The following ZNF462 variants were observed in gnomAD, a reference collection of about 807,000 sequenced individuals.
ZNF462 encodes the protein zinc finger PBX1-interacting protein.
ZNF462 carries 10 observed loss-of-function variants against 201.9 expected under a neutral mutation model. That is an observed-to-expected ratio of 0.05 (90% confidence interval 0.03 to 0.08). The LOEUF (loss-of-function observed/expected upper bound fraction) is 0.08, where lower values mean the gene tolerates loss of function less well. Ranked by LOEUF, ZNF462 falls within the 10% of genes least tolerant of loss-of-function variation. The pLI, the probability that ZNF462 is intolerant of heterozygous loss-of-function variation, is 1.00. For missense variants in ZNF462, 2,523 were observed against 3,168.3 expected, an observed-to-expected ratio of 0.80 and a Z score of 4.89; for synonymous variants, 1,227 against 1,193.3, an observed-to-expected ratio of 1.03 and a Z score of -0.58.
chr9:106,969,031 G>T (rs994153830), intron 7 of ZNF462, among the ~76,000 whole-genome samples: 1 of 152,122 alleles, frequency 6.6e-6, no homozygotes, highest in African/African-American at 2.4e-5. Flanking sequence ...TCACTTTAGT[G>T]CCCAAAGTGC....
rs1830079258 is a variant in ZNF462 at position 106,923,779 on chromosome 9, T to C, written c.220+176T>C. On this transcript the variant is annotated intron_variant, in intron 2 of 12. Coordinates refer to ENST00000277225, the MANE Select transcript of ZNF462 (RefSeq NM_021224.6). This position sits in a 1 kb window ranked among gnomAD's most constrained non-coding sequence, Gnocchi z 5.6. Reference sequence around the variant, plus strand: ...CCTTGAGTACCTTAGGTTTTATCCTTTCGAAAGCTTCCTCATATATCCTAC... The same window carrying C: ...CCTTGAGTACCTTAGGTTTTATCCTCTCGAAAGCTTCCTCATATATCCTAC... 6.6e-6 allele frequency among the ~76,000 whole-genome samples: 1 copy of C among 152,212 alleles called. No individual in the cohort carries two copies. The highest frequency in any genetic ancestry group is 1.5e-5 in the Non-Finnish European group (1 of 68,038).
In ZNF462 at chr9:106,938,474, G is replaced by A. The variant is rs1023037581; in HGVS notation, c.6236-442G>A. Among the ~76,000 whole-genome samples, 2 of 152,174 alleles carry A rather than the reference G, an allele frequency of 1.3e-5. No homozygotes were observed. Among genetic ancestry groups the A allele is most frequent in the African/African-American group, 4.8e-5 (2 of 41,424 alleles). On this transcript the variant is annotated intron_variant, in intron 6 of 12. Transcript: ENST00000277225. The surrounding 1 kb of genome is among the most constrained non-coding windows in gnomAD (Gnocchi z 4.4). ...CACTGAATGACTTTGTGATTAAAAA[G>A]CCACTAATAGATCTTTGGAATAATA...
chr9:106,909,346 A>C (rs73668712), intron 1 of ZNF462, among the ~76,000 whole-genome samples: 12,067 of 151,818 alleles, frequency 0.079, 559 homozygotes, highest in South Asian at 0.14. Flanking sequence ...ATTGTTACGG[A>C]ATTATTTATT....
chr9:107,012,392 G>A lies in ZNF462; in HGVS notation c.*1362G>A, dbSNP rs1829968226. ...CCATCCCTTTCGTGAGAGTGGACAA[G>A]AAATAACATATCCTACAAGGAGCCT... is the stretch of plus-strand genomic sequence containing the variant. On this transcript the variant is annotated 3_prime_UTR_variant, in exon 13 of 13. Transcript: ENST00000277225. The A allele has an allele frequency of 3.1e-5, 4 of 128,522 alleles. No individual in the cohort carries two copies. The highest frequency in any genetic ancestry group is 1.5e-4 in the African/African-American group (4 of 25,844). The allele number at this position is 128,522 out of a possible 1,614,324, so 8.0% of individuals were successfully genotyped here.
intron 7 of ZNF462, among the ~76,000 whole-genome samples, chr9:106,946,120 A>T (rs1013527726): frequency 6.6e-6 from 1 of 152,236 alleles, no homozygotes; most frequent in African/African-American, 2.4e-5. Flanking sequence ...TTCATCAGAA[A>T]TGTAACCATA....
chr9:106,958,653 T>C (rs1465053312), intron 7 of ZNF462, among the ~76,000 whole-genome samples: 1 of 152,074 alleles, frequency 6.6e-6, no homozygotes, highest in Non-Finnish European at 1.5e-5. Context: ...CTAAGGAAGC[T>C]GAGATGCCCT....
chr9:106,870,300 G>T lies in ZNF462; in HGVS notation c.-31+6945G>T, dbSNP rs1370516840. Among the ~76,000 whole-genome samples, 6 of 152,074 alleles carry T rather than the reference G, an allele frequency of 3.9e-5. No individual in the cohort carries two copies. ...TTTCTTGAGTTATTCTTGGAGGGAA[G>T]GTTTTTTTTGTGTGCCAGGTCATGG... On this transcript the variant is annotated intron_variant, in intron 1 of 12. Coordinates refer to ENST00000277225, the MANE Select transcript of ZNF462 (RefSeq NM_021224.6). The surrounding 1 kb of genome is among the most constrained non-coding windows in gnomAD (Gnocchi z 4.3).
rs1028253553 is a variant in ZNF462, at chr9:107,008,038, A to C, written c.7190-1507A>C. On this transcript the variant is annotated intron_variant, in intron 11 of 12. Transcript: ENST00000277225. This position sits in a 1 kb window ranked among gnomAD's most constrained non-coding sequence, Gnocchi z 4.8. ...TGCAAGTGCCGGACTGAATATGGAC[A>C]CGCTGCAGGTCCTGCCTAGGAAGCT... 3.3e-5 allele frequency among the ~76,000 whole-genome samples: 5 copies of C among 152,100 alleles called. No homozygotes were observed. The highest frequency in any genetic ancestry group is 1.2e-4 in the African/African-American group (5 of 41,424).
intron 1 of ZNF462, among the ~76,000 whole-genome samples, chr9:106,873,022 A>G (rs1054512006): frequency 3.9e-5 from 6 of 152,186 alleles, no homozygotes; most frequent in Non-Finnish European, 7.3e-5. Flanking sequence ...CAGGATTCAC[A>G]TGGAGTGGGG....
chr9:106,900,297 G>A (rs1829010835), intron 1 of ZNF462, among the ~76,000 whole-genome samples: 1 of 149,960 alleles, frequency 6.7e-6, no homozygotes, highest in African/African-American at 2.5e-5. Context: ...TGGGCATCTG[G>A]GTTGGTTCCA....
chr9:106,939,183 T>G, intron 7 of ZNF462, 76 bp downstream of exon 7: 1 of 1,365,688 alleles, frequency 7.3e-7, no homozygotes, highest in Non-Finnish European at 9.8e-7. Flanking sequence ...ATCATTTTTT[T>G]TAGAGGAAAA....
intron 1 of ZNF462, among the ~76,000 whole-genome samples, chr9:106,864,272 G>C (rs1161048790): frequency 6.6e-6 from 1 of 151,832 alleles, no homozygotes. Flanking sequence ...CTCCAGGCTG[G>C]AGGTTCAGAA....
intron 10 of ZNF462, among the ~76,000 whole-genome samples, chr9:106,996,222 A>G (rs1828722969): frequency 6.6e-6 from 1 of 152,094 alleles, no homozygotes; most frequent in Non-Finnish European, 1.5e-5. Context: ...TTATTGATGG[A>G]CATTTGGGTT....
chr9:106,964,255 C>T (rs1250814941), intron 7 of ZNF462, among the ~76,000 whole-genome samples: 1 of 151,904 alleles, frequency 6.6e-6, no homozygotes, highest in Non-Finnish European at 1.5e-5. Flanking sequence ...TGCTATTTTC[C>T]GTGAGACTGT....
Position 106,948,308 on chromosome 9 carries a change from A to G in ZNF462, c.6427+9201A>G, listed in dbSNP as rs566954992. ...TTGGATTTATTAAGAAACAGACTCA[A>G]TGGGGAAGACTAGCAGCAAGATTCC... On this transcript the variant is annotated intron_variant, in intron 7 of 12. Coordinates refer to ENST00000277225, the MANE Select transcript of ZNF462 (RefSeq NM_021224.6). 3.3e-5 allele frequency among the ~76,000 whole-genome samples: 5 copies of G among 152,314 alleles called. No individual in the cohort carries two copies. In the East Asian group the frequency reaches 7.7e-4, roughly 24 times the overall value.
At chr9:106,877,609 A>AG (rs535113397) in intron 1 of ZNF462, among the ~76,000 whole-genome samples, 38 of 151,978 alleles carry the variant, frequency 2.5e-4, no homozygotes, top group Non-Finnish European at 4.3e-4. Context: ...CTTGAACAGG[A>AG]GTTCAAGTGA....
chr9:107,007,958 C>T (rs1829677742), intron 11 of ZNF462, among the ~76,000 whole-genome samples: 1 of 152,264 alleles, frequency 6.6e-6, no homozygotes, highest in South Asian at 2.1e-4. Flanking sequence ...CAGACACCCT[C>T]AGTTTAGGGG....
Position 106,928,178 on chromosome 9 carries a change from G to C in ZNF462, c.4266G>C (p.Glu1422Asp). Residue 1422 changes from glutamate (E) to aspartate (D), a missense_variant, in exon 3 of 13, where the codon GAG becomes GAC. This residue lies in a region of ZNF462 where 165 missense variants were observed against 142.6 expected (regional missense o/e 1.16). Coordinates refer to ENST00000277225, the MANE Select transcript of ZNF462 (RefSeq NM_021224.6). This position sits in a 1 kb window ranked among gnomAD's most constrained non-coding sequence, Gnocchi z 9.3. ...AVEKPILSSE[E>D]LAGPVNCENS... Reference sequence around the variant, plus strand: ...AGAAGCCCATTCTTTCATCCGAAGAGTTGGCAGGCCCTGTGAATTGTGAAA... The same window carrying C: ...AGAAGCCCATTCTTTCATCCGAAGACTTGGCAGGCCCTGTGAATTGTGAAA... 6.2e-7 allele frequency: 1 copy of C among 1,614,174 alleles called. No homozygotes were observed. The highest frequency in any genetic ancestry group is 8.5e-7 in the Non-Finnish European group (1 of 1,180,028).
Position 107,012,255 on chromosome 9 carries a change from A to C in ZNF462, c.*1225A>C, listed in dbSNP as rs1056716978. ...ATCCGTCTCATAAATAATTTCTGTTAGGATTGGCTGGCTTTTGTGTGTGAT... is the reference window on the plus strand; with the variant it reads ...ATCCGTCTCATAAATAATTTCTGTTCGGATTGGCTGGCTTTTGTGTGTGAT... On this transcript the variant is annotated 3_prime_UTR_variant, in exon 13 of 13. Coordinates refer to ENST00000277225, the MANE Select transcript of ZNF462 (RefSeq NM_021224.6). The C allele has an allele frequency of 8.6e-5, 13 of 151,176 alleles. No individual in the cohort carries two copies. Among genetic ancestry groups the C allele is most frequent in the Middle Eastern group, 3.2e-3 (1 of 316 alleles). The allele number at this position is 151,176 out of a possible 1,614,324, so 9.4% of individuals were successfully genotyped here. A position where few individuals can be genotyped will look rare whatever the true frequency, so the allele number is the denominator to read the frequency against.
Sources: allele counts gnomAD v4.1 joint callset (sites outside exome capture counted in the v4.1 genomes callset), GRCh38; gene constraint gnomAD v4.1.1; regional missense constraint gnomAD v4.1.1; non-coding constraint Gnocchi (gnomAD v3.1); transcripts MANE v1.5; gene names NCBI Gene and HGNC (gene_info 2026-07-23, HGNC 2026-07-21).